Variants in ZNF112 observed in about 807,000 individuals in gnomAD.
ZNF112 encodes zinc finger protein 112.
Under a neutral mutation model 77.7 loss-of-function variants are expected in ZNF112, and 37 were observed. The observed-to-expected ratio is 0.48, with a 90% confidence interval of 0.37 to 0.63. The LOEUF (loss-of-function observed/expected upper bound fraction) is 0.63, where lower values mean the gene tolerates loss of function less well. Ranked by LOEUF, ZNF112 falls within the 20% of genes least tolerant of loss-of-function variation. The pLI is 0.00. For missense variants in ZNF112, 950 were observed against 1,077.4 expected (o/e 0.88, Z 1.66); for synonymous variants, 333 against 363.6 (o/e 0.92, Z 0.96).
At chr19:44,363,917 AT>A (rs560941680) in intron 1 of ZNF112, among the ~76,000 whole-genome samples, 2 of 151,134 alleles carry the variant, frequency 1.3e-5, no homozygotes, top group African/African-American at 2.4e-5. Flanking sequence ...TGTTATTAGT[AT>A]TTTTTTTTGA....
intron 2 of ZNF112, among the ~76,000 whole-genome samples, chr19:44,337,417 A>ATATATTATATATATAAAATATATATT (rs1208009054): frequency 2.1e-5 from 1 of 46,746 alleles, no homozygotes; most frequent in African/African-American, 7.7e-5. Flanking sequence ...TATATATAAT[A>ATATATTATATATATAAAATATATATT]ATATATATTA....
intron 1 of ZNF112, among the ~76,000 whole-genome samples, chr19:44,350,290 T>G (rs1428033990): frequency 6.6e-6 from 1 of 152,080 alleles, no homozygotes; most frequent in Non-Finnish European, 1.5e-5. Flanking sequence ...CTCAAAGATT[T>G]AACCATCATC....
chr19:44,337,872 CACACA>C (rs1970415091), intron 2 of ZNF112, among the ~76,000 whole-genome samples: 1 of 136,376 alleles, frequency 7.3e-6, no homozygotes, highest in African/African-American at 3.0e-5. Flanking sequence ...CACACACACA[CACACA>C]CCCTAGCTCT....
upstream of ZNF112, among the ~76,000 whole-genome samples, chr19:44,360,226 A>G (rs1406372420): frequency 6.7e-6 from 1 of 150,076 alleles, no homozygotes; most frequent in Admixed American, 6.7e-5. Flanking sequence ...ACTGCACTCC[A>G]GCCTGGGTGA....
intron 1 of ZNF112, among the ~76,000 whole-genome samples, chr19:44,344,523 C>T (rs113685848): frequency 0.012 from 1,812 of 152,298 alleles, 31 homozygotes; most frequent in African/African-American, 0.04. Context: ...AGGATGTAAG[C>T]ACAACTACCA....
rs938991896 is a variant in ZNF112, at chr19:44,338,072, C to CA, written c.125-1355dup. On this transcript the variant is annotated intron_variant, in intron 2 of 3. Coordinates refer to ENST00000354340, the MANE Select transcript of ZNF112 (RefSeq NM_013380.4). The stretch of plus-strand genomic sequence containing the variant: ...TCTGCCAACAAAGTAAGAAAGTGCT[C>CA]AAAAAAAAAATTGGGGACATGTTAC... Among the ~76,000 whole-genome samples the CA allele has an allele frequency of 9.2e-3, 1,311 of 142,028 alleles. 20 individuals carry two copies. The highest frequency in any genetic ancestry group is 0.032 in the African/African-American group (1,225 of 38,742). The allele number at this position is 142,028 out of a possible 152,430, so 93.2% of individuals were successfully genotyped here.
At chr19:44,345,441 T>A (rs1970570452) in intron 1 of ZNF112, among the ~76,000 whole-genome samples, 2 of 152,208 alleles carry the variant, frequency 1.3e-5, no homozygotes. Flanking sequence ...GCTGTGGGTG[T>A]CTGCAGTCAC....
chr19:44,340,394 A>G, intron 2 of ZNF112, 22 bp downstream of exon 2: 3 of 1,611,010 alleles, frequency 1.9e-6, no homozygotes, highest in Non-Finnish European at 2.5e-6. Flanking sequence ...GCCATTGAGT[A>G]ACTAAGGGCA....
chr19:44,345,175 G>C (rs1970565215), intron 1 of ZNF112, among the ~76,000 whole-genome samples: 1 of 152,154 alleles, frequency 6.6e-6, no homozygotes, highest in South Asian at 2.1e-4. Flanking sequence ...GAGTTTTTAT[G>C]AAATCCCCCA....
At chr19:44,358,906 A>T (rs1188309519), upstream of ZNF112, among the ~76,000 whole-genome samples, 2 of 152,196 alleles carry the variant, frequency 1.3e-5, no homozygotes, top group Non-Finnish European at 2.9e-5. Context: ...AATTATTAGC[A>T]GAAGCGTATA....
At chr19:44,345,732 G>A (rs1970576546) in intron 1 of ZNF112, among the ~76,000 whole-genome samples, 6 of 152,132 alleles carry the variant, frequency 3.9e-5, no homozygotes. Flanking sequence ...TTTCATGTCT[G>A]TCTGCTCATT....
At chr19:44,347,507 A>AT (rs1491388980) in intron 1 of ZNF112, among the ~76,000 whole-genome samples, 9 of 16,406 alleles carry the variant, frequency 5.5e-4, no homozygotes, top group Non-Finnish European at 1.0e-3. Flanking sequence ...TTTTTTTTTT[A>AT]CTATTCCATT....
chr19:44,353,758 A>G (rs912692255), intron 1 of ZNF112, among the ~76,000 whole-genome samples: 5 of 152,142 alleles, frequency 3.3e-5, no homozygotes, highest in Admixed American at 3.3e-4. Context: ...GAAGATGTAA[A>G]TAAACTGGAA....
Position 44,327,488 on chromosome 19 carries a change from T to C in ZNF112, c.2669A>G (p.Lys890Arg). 6.2e-7 allele frequency: 1 copy of C among 1,613,808 alleles called. No individual in the cohort carries two copies. Among genetic ancestry groups the C allele is most frequent in the Non-Finnish European group, 8.5e-7 (1 of 1,179,872 alleles). The change falls in exon 4 of 4, where the codon AAG (lysine) becomes AGG (arginine). Residue 890 changes from lysine to arginine, a missense_variant. This residue lies in a region of ZNF112 where 373 missense variants were observed against 482.8 expected (regional missense o/e 0.77). Transcript: ENST00000354340. ...DKFYKSEDYGKDYPSSENLHR... is the reference protein window; with the variant it reads ...DKFYKSEDYGRDYPSSENLHR... ...TAGATTCTCTGATGAAGGGTAGTCC[T>C]TACCATAGTCTTCGCTTTTATAGAA... is the stretch of plus-strand genomic sequence containing the variant.
intron 1 of ZNF112, among the ~76,000 whole-genome samples, chr19:44,346,697 C>T (rs1043671273): frequency 6.6e-6 from 1 of 152,158 alleles, no homozygotes; most frequent in Non-Finnish European, 1.5e-5. Context: ...CTGCACCAAC[C>T]ACAGAGAGTT....
chr19:44,337,665 C>T (rs1439768013), intron 2 of ZNF112, among the ~76,000 whole-genome samples: 2 of 150,264 alleles, frequency 1.3e-5, no homozygotes, highest in African/African-American at 4.9e-5. Context: ...CTTCATTCCC[C>T]ACAGCTTTGC....
intron 1 of ZNF112, among the ~76,000 whole-genome samples, chr19:44,347,542 A>G (rs1224658781): frequency 7.2e-5 from 3 of 41,808 alleles, no homozygotes; most frequent in East Asian, 5.6e-4. Flanking sequence ...GCTTTTGGCT[A>G]TATGTCCTTT....
intron 1 of ZNF112, among the ~76,000 whole-genome samples, chr19:44,344,458 C>T (rs953958276): frequency 1.3e-5 from 2 of 152,204 alleles, no homozygotes; most frequent in Admixed American, 1.3e-4. Flanking sequence ...AGGTGCACTA[C>T]TCCAGTAGGC....
At chr19:44,348,192 G>A (rs1452189389) in intron 1 of ZNF112, among the ~76,000 whole-genome samples, 4 of 151,930 alleles carry the variant, frequency 2.6e-5, no homozygotes, top group Non-Finnish European at 4.4e-5. Context: ...TGAGTTTATC[G>A]TATTTGGTAT....
Sources: gnomAD v4.1 joint callset for allele counts (sites outside exome capture counted in the v4.1 genomes callset) on GRCh38, gnomAD v4.1.1 for gene constraint, gnomAD v4.1.1 regional missense constraint, MANE v1.5 for transcripts, NCBI Gene and HGNC (gene_info 2026-07-23, HGNC 2026-07-21) for gene names.